Variants in IGSF23 observed in about 807,000 individuals in gnomAD.
IGSF23 encodes immunoglobulin superfamily, member 23.
IGSF23 carries 14 observed loss-of-function variants against 17.8 expected under a neutral mutation model. The observed-to-expected ratio is 0.79, with a 90% confidence interval of 0.52 to 1.23. The LOEUF (loss-of-function observed/expected upper bound fraction) is 1.23, where lower values mean the gene tolerates loss of function less well. Ranked by LOEUF, IGSF23 falls within the 50% of genes most tolerant of loss-of-function variation. The pLI, the probability that IGSF23 is intolerant of heterozygous loss-of-function variation, is 0.00. For missense variants in IGSF23, 214 were observed against 241.7 expected (o/e 0.89, Z 0.76); for synonymous variants, 85 against 92.5 (o/e 0.92, Z 0.46).
At chr19:44,636,258 G>GA (rs1306607819) in intron 4 of IGSF23, among the ~76,000 whole-genome samples, 161 bp from the exon 5 acceptor site, 6 of 152,230 alleles carry the variant, frequency 3.9e-5, no homozygotes, top group Admixed American at 3.3e-4. Context: ...GCTAAGAAGG[G>GA]AAAAATCTGT....
intron 3 of IGSF23, among the ~76,000 whole-genome samples, chr19:44,631,915 C>T (rs887787165): frequency 1.3e-5 from 2 of 152,234 alleles, no homozygotes; most frequent in Non-Finnish European, 2.9e-5. Context: ...CCATCATGAA[C>T]ATGTCACAGT....
chr19:44,626,951 CAA>C (rs1491195314), intron 2 of IGSF23, among the ~76,000 whole-genome samples: 53 of 151,272 alleles, frequency 3.5e-4, no homozygotes, highest in Admixed American at 3.0e-3. Context: ...TTATGCAAGC[CAA>C]GAGAGAGAGA....
At chr19:44,618,231 C>A (rs1441805858) in intron 1 of IGSF23, 7 of 470,282 alleles carry the variant, frequency 1.5e-5, no homozygotes, top group African/African-American at 4.0e-5. Context: ...GTATGACGCC[C>A]AGCCAGCAGC....
chr19:44,635,313 T>G, intron 3 of IGSF23, 88 bp from the exon 4 acceptor site: 1 of 1,046,402 alleles, frequency 9.6e-7, no homozygotes, highest in Non-Finnish European at 1.4e-6. Flanking sequence ...CATATTAATT[T>G]GGGGAACGGA....
At chr19:44,621,156 G>A (rs1029540306) in intron 1 of IGSF23, among the ~76,000 whole-genome samples, 6 of 151,376 alleles carry the variant, frequency 4.0e-5, no homozygotes, top group African/African-American at 7.3e-5. Context: ...GGTGATGTGC[G>A]CCCATAGTCC....
chr19:44,629,758 C>T (rs539437414), intron 3 of IGSF23, among the ~76,000 whole-genome samples: 78 of 151,632 alleles, frequency 5.1e-4, no homozygotes, highest in African/African-American at 1.9e-3. Flanking sequence ...CTCAGCCTCC[C>T]AAGTAGCTGG....
intron 1 of IGSF23, among the ~76,000 whole-genome samples, chr19:44,619,866 A>G (rs1278068812): frequency 6.6e-6 from 1 of 152,208 alleles, no homozygotes. Flanking sequence ...ATTCTGAGGT[A>G]CTGGGGGTTA....
chr19:44,618,077 C>T (rs145559030), intron 1 of IGSF23: 26 of 470,952 alleles, frequency 5.5e-5, no homozygotes, highest in Middle Eastern at 6.5e-4. Flanking sequence ...TCTTCCAAGG[C>T]GCCCTGCTCA....
chr19:44,633,500 T>C (rs1429803512), intron 3 of IGSF23, among the ~76,000 whole-genome samples: 1 of 152,194 alleles, frequency 6.6e-6, no homozygotes, highest in African/African-American at 2.4e-5. Context: ...GTAATAAATC[T>C]TTCCCCCACA....
Position 44,613,877 on chromosome 19 carries a change from CCATGTGTGATGAGGAGACCT to C in IGSF23, c.125+108_125+127del, listed in dbSNP as rs777501542. On this transcript the variant is annotated intron_variant, in intron 1 of 4. Transcript: ENST00000402988. ...GCGACTGTACAGGTCTATGAAGACCCCATGTGTGATGAGGAGACCTTCTCTGCACAGTCCCTGGACAGAAC... is the reference window on the plus strand; with the variant it reads ...GCGACTGTACAGGTCTATGAAGACCCTCTCTGCACAGTCCCTGGACAGAAC... The C allele has an allele frequency of 2.6e-6, 4 of 1,548,202 alleles. No homozygotes were observed. In the African/African-American group the frequency reaches 4.1e-5, roughly 16 times the overall value.
chr19:44,632,048 A>G (rs1422118215), intron 3 of IGSF23, among the ~76,000 whole-genome samples: 2 of 152,256 alleles, frequency 1.3e-5, no homozygotes, highest in Non-Finnish European at 2.9e-5. Context: ...ATGATTCCAT[A>G]GGAATCGTTG....
At chr19:44,632,938 T>C (rs1342517145) in intron 3 of IGSF23, among the ~76,000 whole-genome samples, 2 of 152,354 alleles carry the variant, frequency 1.3e-5, no homozygotes, top group South Asian at 2.1e-4. Context: ...ATGAACCACG[T>C]ATGAAGAATC....
At chr19:44,614,072 C>A in intron 1 of IGSF23, 1 of 1,186,774 alleles carries the variant, frequency 8.4e-7, no homozygotes, top group Non-Finnish European at 1.2e-6. Context: ...CACCCCCACT[C>A]AGAGCTTTGA....
chr19:44,629,213 CTT>C (rs1483474320), intron 3 of IGSF23, among the ~76,000 whole-genome samples: 1 of 152,118 alleles, frequency 6.6e-6, no homozygotes, highest in East Asian at 1.9e-4. Flanking sequence ...TGGCATCTGA[CTT>C]ATATTTGATC....
intron 3 of IGSF23, among the ~76,000 whole-genome samples, chr19:44,633,348 C>G (rs60570899): frequency 0.2 from 30,828 of 152,154 alleles, 3,382 homozygotes; most frequent in East Asian, 0.45. Context: ...GGAACTTTGT[C>G]TTTCCGCTTG....
intron 3 of IGSF23, among the ~76,000 whole-genome samples, chr19:44,633,283 G>A (rs1236020417): frequency 6.6e-6 from 1 of 152,234 alleles, no homozygotes; most frequent in Non-Finnish European, 1.5e-5. Context: ...TAAAGGTATA[G>A]GTTCTGGAAG....
At chr19:44,617,171 G>A (rs1366633170) in intron 1 of IGSF23, among the ~76,000 whole-genome samples, 4 of 52,066 alleles carry the variant, frequency 7.7e-5, no homozygotes, top group African/African-American at 3.4e-4. Flanking sequence ...CCCCGCCCCC[G>A]CAAAGTGCAG....
intron 3 of IGSF23, among the ~76,000 whole-genome samples, chr19:44,633,712 A>C (rs13344267): frequency 0.26 from 39,668 of 152,100 alleles, 5,664 homozygotes; most frequent in East Asian, 0.45. Flanking sequence ...GTATCTGCCA[A>C]GCCTTTAAAT....
intron 3 of IGSF23, among the ~76,000 whole-genome samples, chr19:44,627,947 CTTT>C (rs56014048): frequency 7.2e-6 from 1 of 139,312 alleles, no homozygotes. Flanking sequence ...TTTTCTTTTT[CTTT>C]TTTTTTTTTT....
Sources: gnomAD v4.1 joint callset for allele counts (sites outside exome capture counted in the v4.1 genomes callset) on GRCh38, gnomAD v4.1.1 for gene constraint, MANE v1.5 for transcripts, NCBI Gene and HGNC (gene_info 2026-07-23, HGNC 2026-07-21) for gene names.